Variants in KPNA6 observed in about 807,000 individuals in gnomAD.
The protein encoded by KPNA6 is karyopherin subunit alpha 6.
Under a neutral mutation model 72.0 loss-of-function variants are expected in KPNA6, and 9 were observed. The ratio of observed to expected loss-of-function variants is 0.13; its 90% CI spans 0.08 to 0.22. The LOEUF (loss-of-function observed/expected upper bound fraction) is 0.22. Among genes scored for constraint, KPNA6 ranks in the 10% least tolerant of loss-of-function variants. KPNA6 has a pLI of 1.00. For synonymous variants in KPNA6, 219 were observed against 242.1 expected (o/e 0.90, Z 0.89); for missense variants, 374 against 655.7 (o/e 0.57, Z 4.69).
At chr1:32,119,217 G>A (rs1289366865) in intron 1 of KPNA6, among the ~76,000 whole-genome samples, 3 of 151,024 alleles carry the variant, frequency 2.0e-5, no homozygotes, top group Non-Finnish European at 4.4e-5. Flanking sequence ...TTTTAGTAGA[G>A]GTGGGGTTTC....
chr1:32,119,030 A>ATT (rs1402526300), intron 1 of KPNA6, among the ~76,000 whole-genome samples: 1,059 of 56,438 alleles, frequency 0.019, 15 homozygotes, highest in Non-Finnish European at 0.024. Flanking sequence ...ATATATATAT[A>ATT]TATTTTTTTT....
chr1:32,121,997 G>A (rs1267672688), intron 1 of KPNA6, among the ~76,000 whole-genome samples: 1 of 151,332 alleles, frequency 6.6e-6, no homozygotes, highest in Non-Finnish European at 1.5e-5. Context: ...AGAGAGGCTG[G>A]GCGCGGTGGC....
intron 1 of KPNA6, among the ~76,000 whole-genome samples, chr1:32,128,993 A>G (rs576943346): frequency 6.6e-6 from 1 of 152,308 alleles, no homozygotes; most frequent in East Asian, 1.9e-4. Flanking sequence ...ATTATTAAGT[A>G]GCAAGACTAA....
intron 1 of KPNA6, among the ~76,000 whole-genome samples, chr1:32,146,179 T>C (rs941505093): frequency 1.3e-5 from 2 of 152,242 alleles, no homozygotes; most frequent in Non-Finnish European, 2.9e-5. Context: ...TTCTGTTCAT[T>C]ATTGAACGTG....
intron 5 of KPNA6, among the ~76,000 whole-genome samples, chr1:32,158,781 T>C (rs902720085): frequency 6.6e-6 from 1 of 152,212 alleles, no homozygotes; most frequent in African/African-American, 2.4e-5. Context: ...TCAAAAGTAA[T>C]GTTAGGAAAC....
rs190408477 is a variant in KPNA6, at chr1:32,144,301, G to A, written c.5-10287G>A. On this transcript the variant is annotated intron_variant, in intron 1 of 13. Coordinates refer to ENST00000373625, the MANE Select transcript of KPNA6 (RefSeq NM_012316.5). ...ATTCATGTCCCAGGTGGAATAGATG[G>A]TTAGCGCGATATTTCATCATGTTAC... Among the ~76,000 whole-genome samples, 4 of 152,228 alleles carry A rather than the reference G, an allele frequency of 2.6e-5. No individual in the cohort carries two copies. The East Asian group carries it at 5.8e-4, about 22-fold the overall frequency.
chr1:32,165,930 G>A (rs1391926144), intron 10 of KPNA6, among the ~76,000 whole-genome samples, 175 bp from the exon 11 acceptor site: 9 of 151,470 alleles, frequency 5.9e-5, no homozygotes, highest in South Asian at 4.2e-4. Flanking sequence ...CCTGGGAGGC[G>A]GAGGTTGCAG....
rs35378339 is a variant in KPNA6, at chr1:32,173,456, G to C, written c.*2562G>C. On this transcript the variant is annotated 3_prime_UTR_variant, in exon 14 of 14. Transcript: ENST00000373625. Reference sequence around the variant, plus strand: ...TTCCCTAAGAACTCCAAAGGCTAAAGTCTACTAGGGGCAGAGTGTGAGGAT... The same window carrying C: ...TTCCCTAAGAACTCCAAAGGCTAAACTCTACTAGGGGCAGAGTGTGAGGAT... 0.16 allele frequency: 34,306 copies of C among 209,160 alleles called. 3,558 individuals are homozygous for C. The highest frequency in any genetic ancestry group is 0.23 in the Non-Finnish European group (24,524 of 106,058). The allele number at this position is 209,160 out of a possible 1,614,324, so 13.0% of individuals were successfully genotyped here. A position where few individuals can be genotyped will look rare whatever the true frequency, so the allele number is the denominator to read the frequency against.
chr1:32,136,119 T>G lies in KPNA6; in HGVS notation c.5-18469T>G, dbSNP rs370011176. ...TGTCTTACAGGGACTAATATGTTTT[T>G]CAAAAATTAAACAAACATTAAACAG... On this transcript the variant is annotated intron_variant, in intron 1 of 13. Transcript: ENST00000373625. Among the ~76,000 whole-genome samples, 8 of 152,030 alleles carry G rather than the reference T, an allele frequency of 5.3e-5. No individual in the cohort carries two copies. In the East Asian group the frequency reaches 5.8e-4, roughly 11 times the overall value.
At chr1:32,164,549 G>A (rs762202027) in intron 10 of KPNA6, among the ~76,000 whole-genome samples, 24 of 146,234 alleles carry the variant, frequency 1.6e-4, no homozygotes, top group Admixed American at 4.1e-4. Flanking sequence ...GTTATTTTCC[G>A]TTTTTTGTTT....
chr1:32,170,108 T>A, intron 13 of KPNA6, 48 bp downstream of exon 13: 9 of 1,530,812 alleles, frequency 5.9e-6, no homozygotes, highest in Non-Finnish European at 7.2e-6. Context: ...ACTGTAGGCC[T>A]CCAACGTGGT....
chr1:32,132,452 C>A (rs1641655374), intron 1 of KPNA6, among the ~76,000 whole-genome samples: 1 of 152,166 alleles, frequency 6.6e-6, no homozygotes, highest in Admixed American at 6.5e-5. Context: ...GCCCCCATGT[C>A]TGGCTTTTTG....
intron 1 of KPNA6, among the ~76,000 whole-genome samples, chr1:32,153,544 C>T (rs1277512614): frequency 1.4e-5 from 2 of 139,976 alleles, no homozygotes; most frequent in African/African-American, 5.5e-5. Context: ...GCACTCCAGC[C>T]TGGGCAACAA....
chr1:32,147,777 G>A (rs781434812), intron 1 of KPNA6, among the ~76,000 whole-genome samples: 6 of 144,908 alleles, frequency 4.1e-5, no homozygotes, highest in Non-Finnish European at 8.9e-5. Flanking sequence ...CTTCCACCTC[G>A]TCCTCCCAAG....
intron 11 of KPNA6, 112 bp downstream of exon 11, chr1:32,166,342 A>G (rs970893534): frequency 5.3e-6 from 7 of 1,308,994 alleles, no homozygotes; most frequent in African/African-American, 3.0e-5. Context: ...ATAGGAGTCA[A>G]TTGGCCAGGC....
At chr1:32,116,307 C>T (rs369690793) in intron 1 of KPNA6, among the ~76,000 whole-genome samples, 2 of 150,670 alleles carry the variant, frequency 1.3e-5, no homozygotes, top group African/African-American at 2.4e-5. Flanking sequence ...AGCGCCCGGC[C>T]GGTTGTTTTT....
chr1:32,151,883 C>T (rs772627636), intron 1 of KPNA6, among the ~76,000 whole-genome samples: 13 of 152,210 alleles, frequency 8.5e-5, no homozygotes, highest in Non-Finnish European at 1.6e-4. Flanking sequence ...TTATAACAAA[C>T]TTCTATTCAC....
In KPNA6 at chr1:32,159,441, C is replaced by T; in HGVS notation, c.468C>T (p.Thr156=). Residue 156 remains threonine, a synonymous_variant, in exon 6 of 14, where the codon ACC becomes ACT. Coordinates refer to ENST00000373625, the MANE Select transcript of KPNA6 (RefSeq NM_012316.5). ...CTCTAACGAATATTGCCTCTGGAACCTCTCAGCAGACCAAAATTGTCATTG... is the reference window on the plus strand; with the variant it reads ...CTCTAACGAATATTGCCTCTGGAACTTCTCAGCAGACCAAAATTGTCATTG... ...AWALTNIASG[T]SQQTKIVIEA... The T allele has an allele frequency of 1.9e-6, 3 of 1,614,130 alleles. No individual in the cohort carries two copies. The highest frequency in any genetic ancestry group is 2.5e-6 in the Non-Finnish European group (3 of 1,179,976).
intron 1 of KPNA6, among the ~76,000 whole-genome samples, chr1:32,121,711 A>G (rs918092837): frequency 6.6e-5 from 10 of 151,992 alleles, no homozygotes; most frequent in African/African-American, 2.4e-4. Context: ...GGTGGCTCAC[A>G]CCTGTAATCC....
Sources: allele counts gnomAD v4.1 joint callset (sites outside exome capture counted in the v4.1 genomes callset), GRCh38; gene constraint gnomAD v4.1.1; transcripts MANE v1.5; gene names NCBI Gene and HGNC (gene_info 2026-07-23, HGNC 2026-07-21).